CLDN10: variants seen among roughly 807,000 people sequenced by gnomAD.
The protein encoded by CLDN10 is claudin 10, also known as claudin-10.
In CLDN10, 15 loss-of-function variants were observed where a neutral mutation model predicts 22.9. The ratio of observed to expected loss-of-function variants is 0.65; its 90% CI spans 0.44 to 1.01. The LOEUF (loss-of-function observed/expected upper bound fraction) is 1.01, where lower values mean the gene tolerates loss of function less well. Ranked by LOEUF, CLDN10 falls within the 50% of genes least tolerant of loss-of-function variation. The pLI, the probability that CLDN10 is intolerant of heterozygous loss-of-function variation, is 0.00. For missense variants in CLDN10, 247 were observed against 287.8 expected (o/e 0.86, Z 1.03); for synonymous variants, 114 against 111.4 (o/e 1.02, Z -0.15).
Position 95,566,670 on chromosome 13 carries a change from G to T in CLDN10, c.464+6207G>T, listed in dbSNP as rs1452297844. Among the ~76,000 whole-genome samples the T allele has an allele frequency of 3.3e-5, 5 of 152,170 alleles. 1 individual carries two copies. The highest frequency in any genetic ancestry group is 1.3e-4 in the Admixed American group (2 of 15,284). On this transcript the variant is annotated intron_variant, in intron 3 of 4. Transcript: ENST00000299339. ...TTTGGCTTTTGTTGCCATTGCTTTT[G>T]GTGTTTTAGTCAGGAAGTCTTTGCC...
At chr13:95,479,476 G>A (rs1421092496) in intron 1 of CLDN10, 1 of 152,104 alleles carries the variant, frequency 6.6e-6, no homozygotes, top group Non-Finnish European at 1.5e-5. Flanking sequence ...TTGCAAATAT[G>A]CATTACTAAG....
chr13:95,476,424 T>A (rs2042686584), intron 1 of CLDN10, among the ~76,000 whole-genome samples: 1 of 152,144 alleles, frequency 6.6e-6, no homozygotes, highest in South Asian at 2.1e-4. Context: ...GTGGCAGAAG[T>A]GAGGCAGCTC....
intron 1 of CLDN10, among the ~76,000 whole-genome samples, chr13:95,557,258 C>T (rs2043651119): frequency 6.6e-6 from 1 of 152,166 alleles, no homozygotes; most frequent in Non-Finnish European, 1.5e-5. Flanking sequence ...AAAATAATGG[C>T]CTCCTTGACT....
chr13:95,451,401 T>C (rs898548040), intron 1 of CLDN10, among the ~76,000 whole-genome samples: 7 of 152,350 alleles, frequency 4.6e-5, no homozygotes, highest in African/African-American at 1.7e-4. Flanking sequence ...GAAGGGACTT[T>C]TGTCTTCATA....
chr13:95,464,099 T>C (rs1221100162), intron 1 of CLDN10, among the ~76,000 whole-genome samples: 5 of 149,600 alleles, frequency 3.3e-5, no homozygotes, highest in Admixed American at 2.0e-4. Context: ...TTTTTTTAAA[T>C]ATATATATAT....
chr13:95,475,021 T>C lies in CLDN10; in HGVS notation c.214+40974T>C, dbSNP rs114188597. Among the ~76,000 whole-genome samples, 265 of 152,230 alleles carry C rather than the reference T, an allele frequency of 1.7e-3. 7 individuals are homozygous for C. In the South Asian group the frequency reaches 0.029, roughly 17 times the overall value. Reference sequence around the variant, plus strand: ...GTTCAAAACTTGCAGGTCTCTTGTGTTTTGGCTTCACAGACAGAGTGAATT... The same window carrying C: ...GTTCAAAACTTGCAGGTCTCTTGTGCTTTGGCTTCACAGACAGAGTGAATT... On this transcript the variant is annotated intron_variant, in intron 1 of 4. Coordinates refer to the CLDN10 transcript ENST00000376873.
chr13:95,455,473 A>G (rs957470828), intron 1 of CLDN10, among the ~76,000 whole-genome samples: 4 of 152,208 alleles, frequency 2.6e-5, no homozygotes, highest in Non-Finnish European at 5.9e-5. Context: ...TATAATAAAC[A>G]AAATTCTAAA....
intron 1 of CLDN10, among the ~76,000 whole-genome samples, chr13:95,507,547 G>A (rs1171508221): frequency 6.6e-6 from 1 of 152,082 alleles, no homozygotes; most frequent in Non-Finnish European, 1.5e-5. Context: ...AGCACCTTGG[G>A]AGGCTGAGTC....
intron 1 of CLDN10, among the ~76,000 whole-genome samples, chr13:95,459,219 G>A (rs571077971): frequency 6.6e-6 from 1 of 152,290 alleles, no homozygotes; most frequent in South Asian, 2.1e-4. Context: ...TTTTCCAGGT[G>A]CATGGTGTAA....
At chr13:95,491,296 T>C (rs966854271) in intron 1 of CLDN10, among the ~76,000 whole-genome samples, 2 of 152,060 alleles carry the variant, frequency 1.3e-5, no homozygotes, top group Non-Finnish European at 2.9e-5. Flanking sequence ...GGAACATTGA[T>C]TATTCTTAGG....
chr13:95,576,468 CACAT>C (rs1336270137), intron 3 of CLDN10, among the ~76,000 whole-genome samples: 1 of 152,184 alleles, frequency 6.6e-6, no homozygotes, highest in African/African-American at 2.4e-5. Context: ...CATGAGAACA[CACAT>C]AGTCCCTGAA....
At chr13:95,442,153 A>C (rs2042330452) in intron 1 of CLDN10, among the ~76,000 whole-genome samples, 1 of 152,324 alleles carries the variant, frequency 6.6e-6, no homozygotes, top group African/African-American at 2.4e-5. Flanking sequence ...CCTGTCTCAA[A>C]AAAGCAAAAA....
chr13:95,512,089 G>A (rs1206489629), intron 1 of CLDN10, among the ~76,000 whole-genome samples: 2 of 117,120 alleles, frequency 1.7e-5, no homozygotes, highest in African/African-American at 3.0e-5. Flanking sequence ...GATATAACTA[G>A]GAAAAGTCAT....
At chr13:95,474,064 G>C (rs1024728087) in intron 1 of CLDN10, among the ~76,000 whole-genome samples, 1 of 152,112 alleles carries the variant, frequency 6.6e-6, no homozygotes, top group Non-Finnish European at 1.5e-5. Context: ...CAGGTTATTT[G>C]TATTATGATT....
chr13:95,435,689 ACT>A (rs1230546839), intron 1 of CLDN10, among the ~76,000 whole-genome samples: 2 of 151,954 alleles, frequency 1.3e-5, no homozygotes, highest in African/African-American at 4.8e-5. Flanking sequence ...CCCTCTTGTC[ACT>A]CTGCACCTCT....
Position 95,578,448 on chromosome 13 carries a change from T to C in CLDN10, c.*434T>C, listed in dbSNP as rs2043969113. On this transcript the variant is annotated 3_prime_UTR_variant, in exon 5 of 5. Transcript: ENST00000299339. ...CAATCTGAGAATATTCCTCAAAAGG[T>C]GTCCAGGTTAAATAGACATGTTACT... 1 of 152,398 alleles carries C rather than the reference T, an allele frequency of 6.6e-6. No homozygotes were observed. The highest frequency in any genetic ancestry group is 6.5e-5 in the Admixed American group (1 of 15,298). 9.4% of individuals were successfully genotyped at this position (152,398 alleles called of 1,614,324 possible).
intron 3 of CLDN10, chr13:95,560,676 G>C (rs1012209557): frequency 3.6e-6 from 2 of 551,742 alleles, no homozygotes; most frequent in Non-Finnish European, 6.5e-6. Flanking sequence ...GTCTTGTCTC[G>C]AAACAGTTCA....
At chr13:95,466,711 C>T (rs558969167) in intron 1 of CLDN10, among the ~76,000 whole-genome samples, 3 of 151,762 alleles carry the variant, frequency 2.0e-5, no homozygotes, top group African/African-American at 7.3e-5. Context: ...ATAAGTTTAA[C>T]GTCAAGGTAG....
chr13:95,544,611 A>T (rs1214556096), intron 1 of CLDN10, among the ~76,000 whole-genome samples: 2 of 152,170 alleles, frequency 1.3e-5, no homozygotes, highest in African/African-American at 2.4e-5. Flanking sequence ...ATCAGCATAC[A>T]ATTCCACTGT....
Sources: gnomAD v4.1 joint callset for allele counts (sites outside exome capture counted in the v4.1 genomes callset) on GRCh38, gnomAD v4.1.1 for gene constraint, MANE v1.5 for transcripts, NCBI Gene and HGNC (gene_info 2026-07-23, HGNC 2026-07-21) for gene names.